Variants in SUPT3H observed in about 807,000 individuals in gnomAD.
SUPT3H encodes SPT3 homolog, SAGA and STAGA complex component.
A neutral mutation model predicts 44.3 loss-of-function variants in SUPT3H; 44 were observed. The ratio of observed to expected loss-of-function variants is 0.99; its 90% CI spans 0.78 to 1.28. The LOEUF (loss-of-function observed/expected upper bound fraction) is 1.28. SUPT3H is among the 50% of genes most tolerant of loss of function. The pLI is 0.00. For missense variants in SUPT3H, 380 were observed against 387.1 expected (o/e 0.98, Z 0.15); for synonymous variants, 124 against 125.6 (o/e 0.99, Z 0.09).
chr6:45,031,730 G>T (rs1786972145), intron 3 of SUPT3H, among the ~76,000 whole-genome samples: 1 of 152,058 alleles, frequency 6.6e-6, no homozygotes, highest in Non-Finnish European at 1.5e-5. Context: ...ATCAATAAGA[G>T]AAAAAATAAA....
intron 3 of SUPT3H, chr6:45,098,861 A>G (rs1798153340): frequency 3.6e-6 from 2 of 549,518 alleles, no homozygotes; most frequent in Non-Finnish European, 7.3e-6. Context: ...GTGGCTGCTG[A>G]GAAGTCCTTT....
chr6:45,003,569 T>C, intron 6 of SUPT3H, 84 bp downstream of exon 6: 1 of 1,468,930 alleles, frequency 6.8e-7, no homozygotes, highest in Non-Finnish European at 9.2e-7. Flanking sequence ...CAGACAACAT[T>C]TAAAGAACAT....
At chr6:45,003,846 A>G in intron 5 of SUPT3H, 54 bp from the exon 6 acceptor site, 2 of 1,577,062 alleles carry the variant, frequency 1.3e-6, no homozygotes, top group Non-Finnish European at 8.6e-7. Context: ...GGTTTACATC[A>G]GCACTAATTA....
At chr6:44,961,090 T>C (rs1046898916) in intron 7 of SUPT3H, among the ~76,000 whole-genome samples, 1 of 152,190 alleles carries the variant, frequency 6.6e-6, no homozygotes, top group Non-Finnish European at 1.5e-5. Context: ...CCGAGAGCCT[T>C]AGTCACAACT....
At chr6:45,235,919 C>T (rs993003190) in intron 2 of SUPT3H, among the ~76,000 whole-genome samples, 1 of 152,176 alleles carries the variant, frequency 6.6e-6, no homozygotes, top group Non-Finnish European at 1.5e-5. Context: ...CTTTCCTAAA[C>T]CACAAATAAT....
chr6:45,014,225 A>T (rs1233395095), intron 5 of SUPT3H, among the ~76,000 whole-genome samples: 3 of 151,760 alleles, frequency 2.0e-5, no homozygotes, highest in African/African-American at 4.8e-5. Flanking sequence ...GATAAGGGGG[A>T]AGATTTGAAA....
intron 10 of SUPT3H, among the ~76,000 whole-genome samples, chr6:44,902,892 A>T (rs1473458513): frequency 6.6e-6 from 1 of 152,226 alleles, no homozygotes; most frequent in Non-Finnish European, 1.5e-5. Flanking sequence ...AGAACTGCTC[A>T]ACTACATGGA....
intron 10 of SUPT3H, among the ~76,000 whole-genome samples, chr6:44,929,580 T>C (rs1193853089): frequency 6.6e-6 from 1 of 152,190 alleles, no homozygotes; most frequent in Non-Finnish European, 1.5e-5. Flanking sequence ...TATGAAAATA[T>C]AGGTGTCAAT....
chr6:45,254,076 T>C (rs1029231008), intron 2 of SUPT3H, among the ~76,000 whole-genome samples: 6 of 151,930 alleles, frequency 3.9e-5, no homozygotes, highest in African/African-American at 1.4e-4. Flanking sequence ...TTTTATATCT[T>C]TAAATGAGTA....
Position 45,071,743 on chromosome 6 carries a change from G to C in SUPT3H, c.186+34179C>G, listed in dbSNP as rs199916906. On this transcript the variant is annotated intron_variant, in intron 3 of 10. Transcript: ENST00000371459. ...AAGTCTTTACTAGATTCCTCTCTCTGAGAAGGGAGATCATGACTTTCTATC... is the reference window on the plus strand; with the variant it reads ...AAGTCTTTACTAGATTCCTCTCTCTCAGAAGGGAGATCATGACTTTCTATC... Among the ~76,000 whole-genome samples the C allele has an allele frequency of 7.9e-5, 12 of 152,228 alleles. No homozygotes were observed. The East Asian group carries it at 2.1e-3, about 27-fold the overall frequency.
In SUPT3H at chr6:44,849,538, T is replaced by A. The variant is rs190006002; in HGVS notation, c.913-19681A>T. 2.0e-5 allele frequency among the ~76,000 whole-genome samples: 3 copies of A among 152,308 alleles called. No individual in the cohort carries two copies. In the East Asian group the frequency reaches 5.8e-4, roughly 29 times the overall value. On this transcript the variant is annotated intron_variant, in intron 10 of 10. Coordinates refer to ENST00000371459, the MANE Select transcript of SUPT3H (RefSeq NM_003599.4). ...CACCGCGCCCGGCCATGAATACTAA[T>A]TTTTATTCTAGTTTGATCTGCCTAT...
chr6:45,132,331 T>C lies in SUPT3H; in HGVS notation c.102-26325A>G, dbSNP rs1803598562. On this transcript the variant is annotated intron_variant, in intron 2 of 10. Transcript: ENST00000371459. The stretch of plus-strand genomic sequence containing the variant: ...CCCTGGTACATAAAATAAGCTAACT[T>C]CTAAGACCTTTTACAGTTCCCTATT... Among the ~76,000 whole-genome samples, 3 of 152,172 alleles carry C rather than the reference T, an allele frequency of 2.0e-5. No homozygotes were observed. The South Asian group carries it at 6.2e-4, about 32-fold the overall frequency.
chr6:44,903,208 C>CA (rs1765400015), intron 10 of SUPT3H, among the ~76,000 whole-genome samples: 1 of 152,008 alleles, frequency 6.6e-6, no homozygotes, highest in Non-Finnish European at 1.5e-5. Flanking sequence ...GATAGAGACA[C>CA]AAAAAACCCT....
chr6:45,060,990 T>C (rs528405755), intron 3 of SUPT3H, among the ~76,000 whole-genome samples: 1 of 152,134 alleles, frequency 6.6e-6, no homozygotes, highest in Non-Finnish European at 1.5e-5. Context: ...GCTTTAACAC[T>C]GTTGGTGGGG....
intron 2 of SUPT3H, among the ~76,000 whole-genome samples, chr6:45,115,012 T>C (rs895986313): frequency 1.3e-5 from 2 of 152,198 alleles, no homozygotes; most frequent in Non-Finnish European, 2.9e-5. Context: ...TAATGGACTT[T>C]ACTATCTTAG....
intron 1 of SUPT3H, among the ~76,000 whole-genome samples, chr6:45,376,263 T>G (rs935664316): frequency 3.3e-5 from 5 of 152,218 alleles, no homozygotes; most frequent in African/African-American, 9.6e-5. Flanking sequence ...TATTTGAATA[T>G]AATTACAATT....
chr6:45,339,380 C>A (rs944969624), intron 2 of SUPT3H, among the ~76,000 whole-genome samples: 5 of 152,132 alleles, frequency 3.3e-5, no homozygotes, highest in Non-Finnish European at 5.9e-5. Flanking sequence ...AGATAGCCAA[C>A]TTTTAATACT....
intron 10 of SUPT3H, among the ~76,000 whole-genome samples, chr6:44,880,677 A>T (rs1342155320): frequency 6.6e-6 from 1 of 152,194 alleles, no homozygotes; most frequent in Non-Finnish European, 1.5e-5. Flanking sequence ...GCAGCCAGAG[A>T]GTAAGAAAGG....
intron 2 of SUPT3H, among the ~76,000 whole-genome samples, chr6:45,224,480 A>C (rs1766576250): frequency 6.6e-6 from 1 of 152,156 alleles, no homozygotes; most frequent in African/African-American, 2.4e-5. Context: ...AAAAAATTTA[A>C]ATCTCTATAT....
Sources: allele counts gnomAD v4.1 joint callset (sites outside exome capture counted in the v4.1 genomes callset), GRCh38; gene constraint gnomAD v4.1.1; transcripts MANE v1.5; gene names NCBI Gene and HGNC (gene_info 2026-07-23, HGNC 2026-07-21).